Variants in RBFOX1 observed in about 807,000 individuals in gnomAD.
RBFOX1 encodes the protein RNA binding protein fox-1 homolog 1.
In RBFOX1, 8 loss-of-function variants were observed where a neutral mutation model predicts 57.7. The ratio of observed to expected loss-of-function variants is 0.14; its 90% CI spans 0.08 to 0.25. The LOEUF (loss-of-function observed/expected upper bound fraction) is 0.25, where lower values mean the gene tolerates loss of function less well. Ranked by LOEUF, RBFOX1 falls within the 10% of genes least tolerant of loss-of-function variation. The pLI is 1.00. For missense variants in RBFOX1, 611 were observed against 548.5 expected, an observed-to-expected ratio of 1.11 and a Z score of -1.14; for synonymous variants, 326 against 222.4, an observed-to-expected ratio of 1.47 and a Z score of -4.15.
intron 14 of RBFOX1, among the ~76,000 whole-genome samples, chr16:7,699,386 C>T (rs1331897913): frequency 2.6e-5 from 4 of 152,176 alleles, no homozygotes; most frequent in African/African-American, 7.2e-5. Flanking sequence ...GAAATGGGGT[C>T]TTGTTCTATT....
intron 3 of RBFOX1, among the ~76,000 whole-genome samples, chr16:6,874,395 A>T (rs1005767549): frequency 6.6e-6 from 1 of 151,622 alleles, no homozygotes; most frequent in East Asian, 1.9e-4. Context: ...CTGTAGTCCC[A>T]GCTACTTAGG....
At chr16:7,015,799 A>G (rs2093882050) in intron 3 of RBFOX1, among the ~76,000 whole-genome samples, 1 of 150,666 alleles carries the variant, frequency 6.6e-6, no homozygotes, top group Non-Finnish European at 1.5e-5. Flanking sequence ...GACTAATAAC[A>G]TTTTCTGATT....
intron 4 of RBFOX1, among the ~76,000 whole-genome samples, chr16:7,464,129 C>G (rs2060062817): frequency 6.6e-6 from 1 of 152,196 alleles, no homozygotes; most frequent in South Asian, 2.1e-4. Flanking sequence ...TTCTGGTGCT[C>G]AATGGCTCTG....
At chr16:6,344,136 T>A (rs1351487827) in intron 2 of RBFOX1, among the ~76,000 whole-genome samples, 1 of 152,174 alleles carries the variant, frequency 6.6e-6, no homozygotes, top group Non-Finnish European at 1.5e-5. Flanking sequence ...CTTGATCTTA[T>A]GCAACCTCCA....
chr16:6,887,023 C>T (rs148405302), intron 3 of RBFOX1, among the ~76,000 whole-genome samples: 9 of 152,148 alleles, frequency 5.9e-5, no homozygotes, highest in African/African-American at 1.7e-4. Context: ...GTTTGATTAT[C>T]TTCCATATAC....
chr16:6,217,174 CTTTT>C (rs71142697), intron 1 of RBFOX1, among the ~76,000 whole-genome samples: 18 of 119,082 alleles, frequency 1.5e-4, no homozygotes, highest in Admixed American at 1.4e-3. Flanking sequence ...TTAGGGGATT[CTTTT>C]TTTTTTTTTT....
At chr16:7,049,758 T>G (rs2049329202) in intron 3 of RBFOX1, among the ~76,000 whole-genome samples, 1 of 152,192 alleles carries the variant, frequency 6.6e-6, no homozygotes. Context: ...TATACAGATT[T>G]CCTTGCTGCA....
chr16:7,517,925 G>A (rs1397505252), intron 4 of RBFOX1, among the ~76,000 whole-genome samples: 1 of 151,862 alleles, frequency 6.6e-6, no homozygotes, highest in Non-Finnish European at 1.5e-5. Context: ...ATCTTTCCAA[G>A]CCTCGGTTTC....
At chr16:6,531,829 A>G (rs571381433) in intron 2 of RBFOX1, among the ~76,000 whole-genome samples, 1 of 152,308 alleles carries the variant, frequency 6.6e-6, no homozygotes, top group African/African-American at 2.4e-5. Flanking sequence ...CACTGCAGTT[A>G]ATTACAGGGA....
chr16:5,684,136 C>T (rs1011204574), intron 3 of RBFOX1, among the ~76,000 whole-genome samples: 7 of 152,144 alleles, frequency 4.6e-5, no homozygotes, highest in Non-Finnish European at 7.3e-5. Context: ...GAGCTCTTGG[C>T]TCAAGCTAAG....
chr16:6,317,087 C>T (rs1457220250), intron 2 of RBFOX1, 30 bp downstream of exon 2: 4 of 1,503,776 alleles, frequency 2.7e-6, no homozygotes, highest in South Asian at 2.4e-5. Flanking sequence ...AACATTCATT[C>T]CATAAATACA....
At chr16:5,279,837 C>G (rs9935114) in intron 1 of RBFOX1, among the ~76,000 whole-genome samples, 14 of 152,100 alleles carry the variant, frequency 9.2e-5, no homozygotes, top group African/African-American at 3.4e-4. Context: ...TTGGTGGAGT[C>G]TTTGGGTTTT....
At chr16:7,210,900 A>T (rs920740590) in intron 4 of RBFOX1, among the ~76,000 whole-genome samples, 10 of 151,976 alleles carry the variant, frequency 6.6e-5, no homozygotes, top group African/African-American at 2.4e-4. Context: ...GATTCTAGGT[A>T]CTCTCACTAT....
chr16:6,465,598 C>CTGTGTGTGTGTG (rs56131263), intron 2 of RBFOX1, among the ~76,000 whole-genome samples: 2 of 144,962 alleles, frequency 1.4e-5, no homozygotes, highest in African/African-American at 5.1e-5. Context: ...ATGTATAGGG[C>CTGTGTGTGTGTG]TGTGTGTGTG....
intron 1 of RBFOX1, among the ~76,000 whole-genome samples, chr16:6,228,454 T>C (rs1262484338): frequency 6.6e-6 from 1 of 151,562 alleles, no homozygotes; most frequent in Non-Finnish European, 1.5e-5. Flanking sequence ...CACATACATA[T>C]ACATGCCATG....
chr16:5,339,484 T>G (rs891291572), intron 1 of RBFOX1, among the ~76,000 whole-genome samples: 7 of 123,456 alleles, frequency 5.7e-5, no homozygotes, highest in Non-Finnish European at 8.6e-5. Context: ...TTTTTTTTTT[T>G]TTTTTTTTTT....
Position 6,513,541 on chromosome 16 carries a change from C to G in RBFOX1, c.-63-141062C>G, listed in dbSNP as rs910580509. Among the ~76,000 whole-genome samples the G allele has an allele frequency of 7.2e-5, 11 of 152,138 alleles. No homozygotes were observed. The South Asian group carries it at 1.7e-3, about 23-fold the overall frequency. On this transcript the variant is annotated intron_variant, in intron 2 of 15. Coordinates refer to ENST00000550418, the MANE Select transcript of RBFOX1 (RefSeq NM_018723.4). ...CTGAGGTCAGGAGTTCGAGACCAGCCTAGCCAACATGGTGAAAACCTGTCT... is the reference window on the plus strand; with the variant it reads ...CTGAGGTCAGGAGTTCGAGACCAGCGTAGCCAACATGGTGAAAACCTGTCT...
chr16:5,812,506 G>A (rs971370178), intron 3 of RBFOX1, among the ~76,000 whole-genome samples: 1 of 149,812 alleles, frequency 6.7e-6, no homozygotes, highest in South Asian at 2.1e-4. Context: ...TCACTCAGGC[G>A]GGAGTGCAGT....
chr16:7,097,056 A>G (rs1451412995), intron 4 of RBFOX1, among the ~76,000 whole-genome samples: 1 of 152,142 alleles, frequency 6.6e-6, no homozygotes, highest in Admixed American at 6.5e-5. Flanking sequence ...TGCCTCCTAT[A>G]CAAATAAACA....
Sources: allele counts gnomAD v4.1 joint callset (sites outside exome capture counted in the v4.1 genomes callset), GRCh38; gene constraint gnomAD v4.1.1; transcripts MANE v1.5; gene names NCBI Gene and HGNC (gene_info 2026-07-23, HGNC 2026-07-21).